Variants in CD226 observed in about 807,000 individuals in gnomAD.
CD226 encodes CD226 molecule, also known as CD226 antigen.
CD226 carries 24 observed loss-of-function variants against 34.9 expected under a neutral mutation model. That is an observed-to-expected ratio of 0.69 (90% CI 0.50 to 0.97). CD226 has a LOEUF of 0.97. CD226 is among the 50% of genes least tolerant of loss of function. The pLI is 0.00. For synonymous variants in CD226, 148 were observed against 147.4 expected, an observed-to-expected ratio of 1.00 and a Z score of -0.03; for missense variants, 397 against 412.7, an observed-to-expected ratio of 0.96 and a Z score of 0.33.
chr18:69,910,334 T>C (rs1050039136), intron 2 of CD226, among the ~76,000 whole-genome samples: 1 of 152,182 alleles, frequency 6.6e-6, no homozygotes, highest in African/African-American at 2.4e-5. Context: ...TCAGTGACGC[T>C]GCGTGGATAT....
upstream of CD226, among the ~76,000 whole-genome samples, chr18:69,952,474 C>T (rs2055862708): frequency 6.6e-6 from 1 of 152,164 alleles, no homozygotes; most frequent in African/African-American, 2.4e-5. Flanking sequence ...AATTGATATT[C>T]AACAAGGTGC....
Position 69,857,470 on chromosome 18 carries a change from A to C in CD226, c.*6844T>G, listed in dbSNP as rs973203414. On this transcript the variant is annotated 3_prime_UTR_variant, in exon 6 of 6. Transcript: ENST00000582621. Reference sequence around the variant, plus strand: ...TACTCAGGCAGCTGATCAAAGAATAATGGTCTTAGTCACTGTAAGTACTTT... The same window carrying C: ...TACTCAGGCAGCTGATCAAAGAATACTGGTCTTAGTCACTGTAAGTACTTT... 1.3e-5 allele frequency: 2 copies of C among 152,228 alleles called. No homozygotes were observed. Among genetic ancestry groups the C allele is most frequent in the African/African-American group, 2.4e-5 (1 of 41,462 alleles). The allele number at this position is 152,228 out of a possible 1,614,324, so 9.4% of individuals were successfully genotyped here. A position where few individuals can be genotyped will look rare whatever the true frequency, so the allele number is the denominator to read the frequency against.
At position 69,930,270 on chromosome 18, in the gene CD226, A is replaced by G. The variant is rs191658099; in HGVS notation, c.382+16464T>C. On this transcript the variant is annotated intron_variant, in intron 2 of 5. Coordinates refer to ENST00000582621, the MANE Select transcript of CD226 (RefSeq NM_001303618.2). ...AGGTGTCTATTTTGCAAGTCTAGAC[A>G]CTTAGATGTGAAAAATGAGGCAAAA... 7.9e-5 allele frequency among the ~76,000 whole-genome samples: 12 copies of G among 152,358 alleles called. No homozygotes were observed. In the East Asian group the frequency reaches 2.3e-3, roughly 29 times the overall value.
intron 3 of CD226, among the ~76,000 whole-genome samples, chr18:69,876,810 T>C (rs2469434): frequency 0.44 from 65,474 of 150,224 alleles, 14,742 homozygotes; most frequent in Middle Eastern, 0.57. Flanking sequence ...CCTCCATTGC[T>C]AACCCTGCCC....
At chr18:69,918,064 C>A (rs1392474085) in intron 2 of CD226, among the ~76,000 whole-genome samples, 1 of 152,184 alleles carries the variant, frequency 6.6e-6, no homozygotes, top group East Asian at 1.9e-4. Flanking sequence ...CCAATTTAGT[C>A]TTCAACATGG....
At chr18:69,906,402 G>C (rs2055253575) in intron 2 of CD226, among the ~76,000 whole-genome samples, 1 of 152,176 alleles carries the variant, frequency 6.6e-6, no homozygotes, top group Admixed American at 6.5e-5. Context: ...CTGAAAATTG[G>C]AAGATAATTT....
chr18:69,954,335 T>C (rs1468718527), intron 1 of CD226, among the ~76,000 whole-genome samples: 1 of 152,226 alleles, frequency 6.6e-6, no homozygotes, highest in Non-Finnish European at 1.5e-5. Context: ...AAGATCATGA[T>C]AGTCGAGGTT....
rs375043052 is a variant in CD226 at position 69,893,036 on chromosome 18, G to C, written c.727+2665C>G. 4.1e-4 allele frequency among the ~76,000 whole-genome samples: 63 copies of C among 152,222 alleles called. 1 individual carries two copies. In the South Asian group the frequency reaches 0.013, roughly 32 times the overall value. ...CGTGAAATAATCAAATTGCACCAGAGAAAACACAAATGATCTGTTTTGCTT... is the reference window on the plus strand; with the variant it reads ...CGTGAAATAATCAAATTGCACCAGACAAAACACAAATGATCTGTTTTGCTT... On this transcript the variant is annotated intron_variant, in intron 3 of 5. Coordinates refer to ENST00000582621, the MANE Select transcript of CD226 (RefSeq NM_001303618.2).
chr18:69,896,789 G>C, intron 2 of CD226, among the ~76,000 whole-genome samples: 1 of 152,154 alleles, frequency 6.6e-6, no homozygotes, highest in African/African-American at 2.4e-5. Context: ...TTATGAAAAA[G>C]ATACCAAATC....
chr18:69,935,492 G>A (rs1422461378), intron 2 of CD226, among the ~76,000 whole-genome samples: 1 of 152,182 alleles, frequency 6.6e-6, no homozygotes, highest in South Asian at 2.1e-4. Flanking sequence ...TATTTGACAG[G>A]CATTGAAGGC....
chr18:69,951,140 A>AT (rs1364520779), upstream of CD226, among the ~76,000 whole-genome samples: 555 of 151,900 alleles, frequency 3.7e-3, 3 homozygotes, highest in African/African-American at 0.012. Flanking sequence ...ATTTTTTAAA[A>AT]TTATTTTTTT....
intron 2 of CD226, among the ~76,000 whole-genome samples, chr18:69,912,829 G>C (rs577002303): frequency 6.6e-6 from 1 of 152,308 alleles, no homozygotes; most frequent in Non-Finnish European, 1.5e-5. Flanking sequence ...GGGTAGAGAA[G>C]TAAAGAGAAG....
chr18:69,949,566 G>C (rs1191093659), upstream of CD226, among the ~76,000 whole-genome samples: 3 of 150,500 alleles, frequency 2.0e-5, no homozygotes, highest in Non-Finnish European at 2.9e-5. Context: ...TTCTGTCTCA[G>C]GCCTGTGTCC....
intron 2 of CD226, among the ~76,000 whole-genome samples, chr18:69,924,632 T>A (rs1473692990): frequency 1.1e-5 from 1 of 91,206 alleles, no homozygotes; most frequent in African/African-American, 4.4e-5. Flanking sequence ...GTGCTTCAAA[T>A]AAAACCCCTT....
chr18:69,956,390 A>C (rs1044783129), intron 1 of CD226, among the ~76,000 whole-genome samples: 1 of 152,244 alleles, frequency 6.6e-6, no homozygotes, highest in Non-Finnish European at 1.5e-5. Context: ...ATTTAAGTTC[A>C]TCCTTGTTCA....
chr18:69,952,413 C>T (rs1234073064), upstream of CD226, among the ~76,000 whole-genome samples: 2 of 152,022 alleles, frequency 1.3e-5, no homozygotes, highest in Admixed American at 1.3e-4. Flanking sequence ...GCCCTTGTAC[C>T]CCTTGAATTT....
chr18:69,949,297 T>C (rs1384886386), upstream of CD226, among the ~76,000 whole-genome samples: 2 of 152,160 alleles, frequency 1.3e-5, no homozygotes, highest in East Asian at 1.9e-4. Flanking sequence ...GAGAAAGCGG[T>C]GCACACAACT....
intron 2 of CD226, among the ~76,000 whole-genome samples, chr18:69,905,103 A>G (rs2055235711): frequency 6.6e-6 from 1 of 152,206 alleles, no homozygotes; most frequent in African/African-American, 2.4e-5. Context: ...CCAGCTGTGA[A>G]TGGCAGGACA....
At chr18:69,957,349 T>TC (rs1384002057), upstream of CD226, among the ~76,000 whole-genome samples, 2 of 49,734 alleles carry the variant, frequency 4.0e-5, no homozygotes, top group African/African-American at 5.3e-5. Flanking sequence ...TTCTAGATAC[T>TC]CTTTTTTTTT....
Sources: allele counts gnomAD v4.1 joint callset (sites outside exome capture counted in the v4.1 genomes callset), GRCh38; gene constraint gnomAD v4.1.1; transcripts MANE v1.5; gene names NCBI Gene and HGNC (gene_info 2026-07-23, HGNC 2026-07-21).